Variants in CERT1 observed in about 807,000 individuals in gnomAD.
CERT1 encodes the protein ceramide transporter 1.
CERT1 carries 31 observed loss-of-function variants against 87.9 expected under a neutral mutation model. The ratio of observed to expected loss-of-function variants is 0.35; its 90% CI spans 0.27 to 0.48. CERT1 has a LOEUF of 0.48. Among genes scored for constraint, CERT1 ranks in the 20% least tolerant of loss-of-function variants. The pLI, the probability that CERT1 is intolerant of heterozygous loss-of-function variation, is 0.99. For synonymous variants in CERT1, 289 were observed against 250.9 expected (o/e 1.15, Z -1.44); for missense variants, 487 against 758.0 (o/e 0.64, Z 4.20).
intron 3 of CERT1, among the ~76,000 whole-genome samples, chr5:75,458,802 G>A (rs771586911): frequency 5.9e-5 from 9 of 152,092 alleles, no homozygotes; most frequent in Admixed American, 2.0e-4. Flanking sequence ...CACCTGCCTC[G>A]GCCTCCCAAA....
At chr5:75,427,808 A>G (rs1763684686) in intron 3 of CERT1, among the ~76,000 whole-genome samples, 2 of 151,630 alleles carry the variant, frequency 1.3e-5, no homozygotes, top group South Asian at 4.2e-4. Flanking sequence ...GTAAACATCA[A>G]TTTTTTTTTA....
intron 14 of CERT1, 133 bp from the exon 15 acceptor site, chr5:75,382,210 C>A: frequency 1.4e-6 from 1 of 720,692 alleles, no homozygotes; most frequent in Non-Finnish European, 2.3e-6. Context: ...AGGATATCTA[C>A]CAAATGATTA....
intron 2 of CERT1, among the ~76,000 whole-genome samples, chr5:75,482,432 G>A (rs1019967847): frequency 2.6e-5 from 4 of 152,192 alleles, no homozygotes; most frequent in Non-Finnish European, 5.9e-5. Flanking sequence ...TCCAGGCCCC[G>A]GCCCAGGGGG....
intron 3 of CERT1, among the ~76,000 whole-genome samples, chr5:75,444,729 TAG>T (rs1171321876): frequency 6.6e-6 from 1 of 151,928 alleles, no homozygotes; most frequent in Non-Finnish European, 1.5e-5. Flanking sequence ...GTATTTTTAG[TAG>T]AGACTGGGTT....
intron 11 of CERT1, among the ~76,000 whole-genome samples, chr5:75,397,573 T>TATTTTCTTTC (rs746320936): frequency 1.3e-5 from 2 of 152,248 alleles, no homozygotes; most frequent in African/African-American, 2.4e-5. Context: ...GCTGTCATTA[T>TATTTTCTTTC]ATTTTCTTTC....
chr5:75,372,633 T>C (rs1179499845), intron 17 of CERT1: 7 of 152,208 alleles, frequency 4.6e-5, no homozygotes, highest in African/African-American at 1.7e-4. Context: ...TAAGCATATG[T>C]TTTATATGTA....
intron 3 of CERT1, among the ~76,000 whole-genome samples, chr5:75,430,396 G>A (rs1372697291): frequency 6.6e-6 from 1 of 152,074 alleles, no homozygotes; most frequent in Admixed American, 6.6e-5. Context: ...ACATTCTGGA[G>A]CCAGGAAAAT....
chr5:75,511,932 G>GGACAAGC, upstream of CERT1: 3 of 1,078,490 alleles, frequency 2.8e-6, no homozygotes, highest in Non-Finnish European at 2.7e-6. Flanking sequence ...TCCCGCGCGG[G>GGACAAGC]GATCGCTTGT....
intron 2 of CERT1, among the ~76,000 whole-genome samples, chr5:75,474,533 A>T: frequency 6.6e-6 from 1 of 152,142 alleles, no homozygotes; most frequent in Non-Finnish European, 1.5e-5. Flanking sequence ...GATTTTAGGC[A>T]CTAATCCAAT....
intron 3 of CERT1, among the ~76,000 whole-genome samples, chr5:75,446,269 A>C (rs1170957730): frequency 6.6e-6 from 1 of 152,180 alleles, no homozygotes; most frequent in African/African-American, 2.4e-5. Context: ...TGTTTGTGCA[A>C]ATCTGCCTTT....
Position 75,379,298 on chromosome 5 carries a change from A to C in CERT1, c.*48T>G. ...TTTAGTATTGACAGTCATATTAGTCAAATAAAGTTAAAAAAAGATAAAACA... is the reference window on the plus strand; with the variant it reads ...TTTAGTATTGACAGTCATATTAGTCCAATAAAGTTAAAAAAAGATAAAACA... On this transcript the variant is annotated 3_prime_UTR_variant, in exon 17 of 17. Transcript: ENST00000643780. The C allele has an allele frequency of 6.6e-7, 1 of 1,506,156 alleles. No homozygotes were observed. The highest frequency in any genetic ancestry group is 9.1e-7 in the Non-Finnish European group (1 of 1,102,490). 93.3% of individuals were successfully genotyped at this position (1,506,156 alleles called of 1,614,324 possible).
At chr5:75,498,457 G>C (rs1028248549) in intron 2 of CERT1, among the ~76,000 whole-genome samples, 2 of 152,178 alleles carry the variant, frequency 1.3e-5, no homozygotes, top group African/African-American at 4.8e-5. Context: ...TTGCTGCTTT[G>C]TGCAGTCTTG....
Position 75,381,192 on chromosome 5 carries a change from G to A in CERT1, c.1627C>T (p.Arg543Ter), listed in dbSNP as rs1761568549. Residue 543 changes from arginine to a stop codon, truncating the protein, a stop_gained, in exon 16 of 17, where the codon CGA becomes TGA. Coordinates refer to ENST00000643780, the MANE Select transcript of CERT1 (RefSeq NM_001379029.1). LOFTEE classifies it high-confidence loss of function. ...VDHDSAPLNN[R>*]CVRAKINVAM... The stretch of plus-strand genomic sequence containing the variant: ...ACATTTATTTTGGCACGGACACATC[G>A]GTTGTTTAGCTGCCAAAACAAAAAA... 2 of 1,613,864 alleles carry A rather than the reference G, an allele frequency of 1.2e-6. No individual in the cohort carries two copies. Among genetic ancestry groups the A allele is most frequent in the African/African-American group, 1.3e-5 (1 of 74,882 alleles).
chr5:75,452,260 T>C (rs1206321139), intron 3 of CERT1, among the ~76,000 whole-genome samples: 1 of 152,202 alleles, frequency 6.6e-6, no homozygotes, highest in African/African-American at 2.4e-5. Context: ...TAATTTTATA[T>C]TTTCATATGA....
At chr5:75,477,916 A>AT (rs1361262826) in intron 2 of CERT1, among the ~76,000 whole-genome samples, 1 of 152,232 alleles carries the variant, frequency 6.6e-6, no homozygotes, top group Non-Finnish European at 1.5e-5. Context: ...TTAAAAATAC[A>AT]TAAGACCTGT....
intron 14 of CERT1, among the ~76,000 whole-genome samples, chr5:75,383,901 C>A (rs1761683139): frequency 6.6e-6 from 1 of 152,048 alleles, no homozygotes. Flanking sequence ...GGCAAGAGAA[C>A]TATTGATTCT....
chr5:75,467,962 A>C (rs1027220226), intron 2 of CERT1, among the ~76,000 whole-genome samples: 2 of 152,258 alleles, frequency 1.3e-5, no homozygotes, highest in African/African-American at 4.8e-5. Context: ...AAATTTTACA[A>C]GTTTTTGTAA....
At chr5:75,400,003 A>T (rs1762404915) in intron 10 of CERT1, among the ~76,000 whole-genome samples, 1 of 152,114 alleles carries the variant, frequency 6.6e-6, no homozygotes, top group South Asian at 2.1e-4. Flanking sequence ...GTGGTGGTAC[A>T]TGCCTGTAAT....
chr5:75,390,192 A>G (rs1375709494), intron 11 of CERT1, among the ~76,000 whole-genome samples: 1 of 152,180 alleles, frequency 6.6e-6, no homozygotes, highest in Non-Finnish European at 1.5e-5. Flanking sequence ...AAAGATACAC[A>G]AAGATGAGCA....
Sources: gnomAD v4.1 joint callset for allele counts (sites outside exome capture counted in the v4.1 genomes callset) on GRCh38, gnomAD v4.1.1 for gene constraint, MANE v1.5 for transcripts, NCBI Gene and HGNC (gene_info 2026-07-23, HGNC 2026-07-21) for gene names.